SHANK2: variants seen among roughly 807,000 people sequenced by gnomAD.
SHANK2 encodes SH3 and multiple ankyrin repeat domains protein 2.
In SHANK2, 43 loss-of-function variants were observed where a neutral mutation model predicts 133.7. The observed-to-expected ratio is 0.32, with a 90% CI of 0.25 to 0.41. The LOEUF (loss-of-function observed/expected upper bound fraction) is 0.41. SHANK2 is among the 10% of genes least tolerant of loss of function. SHANK2 has a pLI of 1.00. For synonymous variants in SHANK2, 1,017 were observed against 952.8 expected (o/e 1.07, Z -1.24); for missense variants, 1,994 against 2,235.8 (o/e 0.89, Z 2.18).
chr11:71,074,217 G>A (rs1048237881), intron 9 of SHANK2, among the ~76,000 whole-genome samples: 2 of 152,236 alleles, frequency 1.3e-5, no homozygotes, highest in Non-Finnish European at 2.9e-5. Flanking sequence ...GGGCTGGCTG[G>A]GGTGCGTGCC....
chr11:70,499,726 T>G (rs547337949), intron 21 of SHANK2, among the ~76,000 whole-genome samples: 1 of 152,314 alleles, frequency 6.6e-6, no homozygotes, highest in South Asian at 2.1e-4. Context: ...CTGGGAGTTT[T>G]CTGGGCAGCT....
At chr11:70,631,404 A>ACCCACC (rs1555002171) in intron 17 of SHANK2, among the ~76,000 whole-genome samples, 2 of 149,280 alleles carry the variant, frequency 1.3e-5, no homozygotes, top group Non-Finnish European at 3.0e-5. Context: ...ACACACACAC[A>ACCCACC]CACACCCACA....
chr11:71,077,188 A>C (rs1454558734), intron 8 of SHANK2, among the ~76,000 whole-genome samples: 1 of 152,180 alleles, frequency 6.6e-6, no homozygotes, highest in Non-Finnish European at 1.5e-5. Context: ...ATCCCTGGCT[A>C]TTTGGCACTC....
chr11:70,846,929 A>G (rs1482960252), intron 11 of SHANK2, among the ~76,000 whole-genome samples: 1 of 152,198 alleles, frequency 6.6e-6, no homozygotes, highest in African/African-American at 2.4e-5. Context: ...GTGCTATTTA[A>G]GAGTTTCTCT....
chr11:71,232,287 A>C (rs1400961193), intron 1 of SHANK2, among the ~76,000 whole-genome samples: 1 of 152,216 alleles, frequency 6.6e-6, no homozygotes, highest in Non-Finnish European at 1.5e-5. Context: ...TGGTGTGGAC[A>C]GCAGCATTTG....
At position 70,951,838 on chromosome 11, in the gene SHANK2, G is replaced by A. The variant is rs782141888; in HGVS notation, c.1108-55271C>T. Among the ~76,000 whole-genome samples the A allele has an allele frequency of 4.3e-4, 65 of 152,294 alleles. 1 individual carries two copies. Among genetic ancestry groups the A allele is most frequent in the Middle Eastern group, 3.4e-3 (1 of 294 alleles). ...CTTCAAGGACATTCCTTGGCTTGCG[G>A]CCACATCACTCCAATCTTGGCCTCC... On this transcript the variant is annotated intron_variant, in intron 10 of 25. Transcript: ENST00000601538.
intron 6 of SHANK2, among the ~76,000 whole-genome samples, chr11:71,109,115 G>A (rs1555098571): frequency 4.6e-5 from 7 of 152,178 alleles, no homozygotes. Flanking sequence ...CAAGACAAGA[G>A]GGGAGGGAGT....
At chr11:71,151,774 G>C (rs1410755177) in intron 2 of SHANK2, among the ~76,000 whole-genome samples, 2 of 127,952 alleles carry the variant, frequency 1.6e-5, no homozygotes, top group Non-Finnish European at 3.1e-5. Context: ...GATAACGTCT[G>C]ACTGGCAAGA....
At chr11:70,633,949 A>G (rs1555003077) in intron 17 of SHANK2, 1 of 152,328 alleles carries the variant, frequency 6.6e-6, no homozygotes, top group Non-Finnish European at 1.5e-5. Context: ...GGCAGAAGGC[A>G]CATCGGGGGT....
chr11:71,056,245 A>C (rs1950918301), intron 10 of SHANK2, among the ~76,000 whole-genome samples: 1 of 152,126 alleles, frequency 6.6e-6, no homozygotes, highest in African/African-American at 2.4e-5. Flanking sequence ...ATGCATTTCC[A>C]CATTATTTGT....
At chr11:71,078,137 G>A (rs1951245468) in intron 8 of SHANK2, among the ~76,000 whole-genome samples, 1 of 147,706 alleles carries the variant, frequency 6.8e-6, no homozygotes, top group African/African-American at 2.5e-5. Flanking sequence ...AGGTGAGCTT[G>A]AAATATCTTG....
At chr11:70,820,969 G>C (rs1948507463) in intron 11 of SHANK2, among the ~76,000 whole-genome samples, 1 of 152,124 alleles carries the variant, frequency 6.6e-6, no homozygotes, top group African/African-American at 2.4e-5. Context: ...CTTCCATCTG[G>C]CCTGGGAGAC....
chr11:70,827,728 C>CAG (rs1555057488), intron 11 of SHANK2, among the ~76,000 whole-genome samples: 1 of 127,878 alleles, frequency 7.8e-6, no homozygotes, highest in African/African-American at 2.9e-5. Context: ...CACACACACA[C>CAG]AACCAGAGAA....
intron 14 of SHANK2, among the ~76,000 whole-genome samples, chr11:70,732,396 C>G (rs906383837): frequency 2.6e-5 from 4 of 152,180 alleles, no homozygotes; most frequent in Admixed American, 2.6e-4. Flanking sequence ...CTGGACCAGT[C>G]TCCCCACTTC....
At chr11:70,832,611 T>A (rs1948742116) in intron 11 of SHANK2, among the ~76,000 whole-genome samples, 1 of 152,202 alleles carries the variant, frequency 6.6e-6, no homozygotes, top group South Asian at 2.1e-4. Flanking sequence ...CCTAGCTTTT[T>A]TTCTGAGTGT....
rs1218113600 is a variant in SHANK2 at position 71,094,563 on chromosome 11, G to A, written c.718C>T (p.Arg240Ter). Residue 240 changes from arginine (R) to a stop codon, truncating the protein, a stop_gained, in exon 7 of 26, where the codon CGA becomes TGA. Transcript: ENST00000601538. LOFTEE classifies it high-confidence loss of function. ...DGMTALHKAA[R>*]ARNQVALKTL... ...TTCAGGGCAACTTGGTTCCTCGCTC[G>A]GGCAGCTTTGTGTAGGGCGGTCATC... The A allele has an allele frequency of 5.8e-6, 9 of 1,551,392 alleles. No homozygotes were observed. Among genetic ancestry groups the A allele is most frequent in the East Asian group, 2.4e-5 (1 of 40,894 alleles).
chr11:71,077,759 G>A (rs1280891479), intron 8 of SHANK2, among the ~76,000 whole-genome samples: 3 of 152,058 alleles, frequency 2.0e-5, no homozygotes, highest in Non-Finnish European at 2.9e-5. Flanking sequence ...GTCCACAGAC[G>A]GCTGCACGCA....
intron 2 of SHANK2, among the ~76,000 whole-genome samples, chr11:71,152,085 C>A (rs1354589967): frequency 1.3e-5 from 2 of 148,244 alleles, no homozygotes; most frequent in African/African-American, 2.5e-5. Flanking sequence ...ACAAAAAAAA[C>A]GTGAAATTTA....
chr11:70,920,349 T>A (rs1230420040), intron 10 of SHANK2, among the ~76,000 whole-genome samples: 1 of 152,170 alleles, frequency 6.6e-6, no homozygotes, highest in African/African-American at 2.4e-5. Context: ...CGCCTTGGCC[T>A]CCCAAAGGGC....
Sources: allele counts gnomAD v4.1 joint callset (sites outside exome capture counted in the v4.1 genomes callset), GRCh38; gene constraint gnomAD v4.1.1; transcripts MANE v1.5; gene names NCBI Gene and HGNC (gene_info 2026-07-23, HGNC 2026-07-21).